BNC2: variants seen among roughly 807,000 people sequenced by gnomAD.
BNC2 encodes the protein zinc finger protein basonuclin-2.
A neutral mutation model predicts 76.3 loss-of-function variants in BNC2; 20 were observed. The ratio of observed to expected loss-of-function variants is 0.26; its 90% CI spans 0.18 to 0.38. The LOEUF (loss-of-function observed/expected upper bound fraction) is 0.38, where lower values mean the gene tolerates loss of function less well. Ranked by LOEUF, BNC2 falls within the 10% of genes least tolerant of loss-of-function variation. BNC2 has a pLI of 1.00. For missense variants in BNC2, 1,382 were observed against 1,399.8 expected (o/e 0.99, Z 0.20); for synonymous variants, 582 against 514.8 (o/e 1.13, Z -1.77).
chr9:16,696,483 T>C (rs1235746972), intron 3 of BNC2, among the ~76,000 whole-genome samples: 2 of 152,208 alleles, frequency 1.3e-5, no homozygotes, highest in African/African-American at 4.8e-5. Flanking sequence ...TGAAATTTCC[T>C]GATACCTTTG....
At chr9:16,543,504 G>A (rs1818385960) in intron 5 of BNC2, among the ~76,000 whole-genome samples, 1 of 152,170 alleles carries the variant, frequency 6.6e-6, no homozygotes, top group African/African-American at 2.4e-5. Context: ...ACTCATTTCT[G>A]CTCCTCCTGG....
At chr9:16,759,242 G>T (rs1485241797) in intron 1 of BNC2, among the ~76,000 whole-genome samples, 2 of 152,116 alleles carry the variant, frequency 1.3e-5, no homozygotes, top group Non-Finnish European at 2.9e-5. Flanking sequence ...TTCACTAATT[G>T]CTTTTACTAT....
chr9:16,866,141 C>T (rs1322748586), intron 1 of BNC2, among the ~76,000 whole-genome samples: 1 of 152,050 alleles, frequency 6.6e-6, no homozygotes, highest in Non-Finnish European at 1.5e-5. Context: ...ATCAATGACT[C>T]TTTAACATAA....
chr9:16,550,190 T>C (rs1438716896), intron 5 of BNC2, among the ~76,000 whole-genome samples: 1 of 152,220 alleles, frequency 6.6e-6, no homozygotes, highest in Non-Finnish European at 1.5e-5. Context: ...ACGGGCTGCA[T>C]GTGGCCCATG....
At chr9:16,459,267 T>C (rs971859882) in intron 5 of BNC2, among the ~76,000 whole-genome samples, 1 of 151,944 alleles carries the variant, frequency 6.6e-6, no homozygotes, top group Non-Finnish European at 1.5e-5. Flanking sequence ...TACAAAAGAG[T>C]TTCATGCTCA....
intron 5 of BNC2, among the ~76,000 whole-genome samples, chr9:16,544,705 G>C (rs1336367371): frequency 6.6e-6 from 1 of 151,598 alleles, no homozygotes; most frequent in Non-Finnish European, 1.5e-5. Flanking sequence ...TGTAATTTAG[G>C]AGGCTGAGGC....
intron 1 of BNC2, among the ~76,000 whole-genome samples, chr9:16,837,247 T>G (rs961732948): frequency 6.6e-6 from 1 of 152,240 alleles, no homozygotes; most frequent in Admixed American, 6.5e-5. Flanking sequence ...GGCTCATGCC[T>G]GTAATCCCAG....
chr9:16,755,138 C>A (rs1004922607), intron 1 of BNC2, among the ~76,000 whole-genome samples: 1 of 152,144 alleles, frequency 6.6e-6, no homozygotes, highest in Non-Finnish European at 1.5e-5. Context: ...GTATAAACAT[C>A]TAGAAGTTAT....
At chr9:16,858,190 C>T (rs1040747835) in intron 1 of BNC2, among the ~76,000 whole-genome samples, 5 of 152,000 alleles carry the variant, frequency 3.3e-5, no homozygotes, top group African/African-American at 7.3e-5. Flanking sequence ...TCCCCCTTTC[C>T]TTTTGAGGTA....
At chr9:16,681,882 G>A (rs1186175056) in intron 3 of BNC2, among the ~76,000 whole-genome samples, 1 of 152,120 alleles carries the variant, frequency 6.6e-6, no homozygotes, top group East Asian at 1.9e-4. Context: ...ACAGTAACTA[G>A]ACAGTAACGT....
At chr9:16,644,377 T>C (rs1242286746) in intron 3 of BNC2, among the ~76,000 whole-genome samples, 7 of 152,166 alleles carry the variant, frequency 4.6e-5, no homozygotes, top group Admixed American at 4.6e-4. Context: ...TTAAACAAGA[T>C]TCTCTCTTGG....
Position 16,418,698 on chromosome 9 carries a change from A to ATGTGTG in BNC2, c.*285_*290dup, listed in dbSNP as rs745647566. ...TGTGTGTGTGTGTGTGTGTATGTGC[A>ATGTGTG]TGTGTGTGTGTGTGTGTTTAAAGGG... On this transcript the variant is annotated 3_prime_UTR_variant, in exon 7 of 7. Transcript: ENST00000380672. 33 of 300,248 alleles carry ATGTGTG rather than the reference A, an allele frequency of 1.1e-4. No homozygotes were observed. Among genetic ancestry groups the ATGTGTG allele is most frequent in the African/African-American group, 9.7e-4 (29 of 29,906 alleles). The allele number at this position is 300,248 out of a possible 1,614,324, so 18.6% of individuals were successfully genotyped here. A position where few individuals can be genotyped will look rare whatever the true frequency, so the allele number is the denominator to read the frequency against.
At chr9:16,583,139 C>A (rs563934114) in intron 3 of BNC2, 54 bp from the exon 4 acceptor site, 3 of 1,383,352 alleles carry the variant, frequency 2.2e-6, no homozygotes, top group African/African-American at 2.8e-5. Context: ...ATACTATACT[C>A]TTTTCACCAT....
At chr9:16,827,585 T>C (rs1818483829) in intron 1 of BNC2, among the ~76,000 whole-genome samples, 1 of 152,216 alleles carries the variant, frequency 6.6e-6, no homozygotes, top group Non-Finnish European at 1.5e-5. Context: ...ATAAACTTTG[T>C]TGTTCATGGT....
chr9:16,440,966 G>A (rs558121131), intron 5 of BNC2, among the ~76,000 whole-genome samples: 16 of 152,238 alleles, frequency 1.1e-4, no homozygotes, highest in South Asian at 2.1e-4. Flanking sequence ...ACTTAAGAAC[G>A]GGACACATAG....
chr9:16,515,944 G>GAA (rs3055130), intron 5 of BNC2, among the ~76,000 whole-genome samples: 48,257 of 145,292 alleles, frequency 0.33, 8,297 homozygotes, highest in Non-Finnish European at 0.4. Context: ...TTCCAAAAGG[G>GAA]AAAAAAAAAA....
intron 5 of BNC2, among the ~76,000 whole-genome samples, chr9:16,540,498 CTTAAAG>C (rs1478372408): frequency 3.3e-5 from 5 of 152,098 alleles, no homozygotes; most frequent in Non-Finnish European, 5.9e-5. Context: ...AAAACTTTGA[CTTAAAG>C]TTAACCAACT....
chr9:16,844,680 G>A (rs527829530), intron 1 of BNC2, among the ~76,000 whole-genome samples: 97 of 152,036 alleles, frequency 6.4e-4, no homozygotes, highest in African/African-American at 1.9e-3. Context: ...TGTATTTTTA[G>A]TAGAGACGGG....
intron 1 of BNC2, among the ~76,000 whole-genome samples, chr9:16,870,041 G>A (rs1819638416): frequency 6.6e-6 from 1 of 152,080 alleles, no homozygotes; most frequent in African/African-American, 2.4e-5. Flanking sequence ...CACCTTCTCC[G>A]TAAAGCCTGC....
Sources: gnomAD v4.1 joint callset for allele counts (sites outside exome capture counted in the v4.1 genomes callset) on GRCh38, gnomAD v4.1.1 for gene constraint, MANE v1.5 for transcripts, NCBI Gene and HGNC (gene_info 2026-07-23, HGNC 2026-07-21) for gene names.